MAGI2: variants seen among roughly 807,000 people sequenced by gnomAD.
MAGI2 encodes membrane associated guanylate kinase, WW and PDZ domain containing 2.
In MAGI2, 35 loss-of-function variants were observed where a neutral mutation model predicts 133.3. The ratio of observed to expected loss-of-function variants is 0.26; its 90% CI spans 0.20 to 0.35. MAGI2 has a LOEUF of 0.35. MAGI2 is among the 10% of genes least tolerant of loss of function. The probability of loss-of-function intolerance (pLI) is 1.00; values close to 1 mark genes in which losing one functional copy is unlikely to be tolerated. For synonymous variants in MAGI2, 729 were observed against 710.6 expected, an observed-to-expected ratio of 1.03 and a Z score of -0.41; for missense variants, 1,636 against 1,863.4, an observed-to-expected ratio of 0.88 and a Z score of 2.25.
At chr7:79,217,048 T>C (rs2129553196) in intron 1 of MAGI2, among the ~76,000 whole-genome samples, 1 of 152,212 alleles carries the variant, frequency 6.6e-6, no homozygotes, top group South Asian at 2.1e-4. Context: ...AAGTTGTTCT[T>C]TTCAAAATAT....
intron 1 of MAGI2, among the ~76,000 whole-genome samples, chr7:79,161,652 G>A (rs1436347219): frequency 6.6e-6 from 1 of 152,060 alleles, no homozygotes; most frequent in East Asian, 1.9e-4. Context: ...TGTTTGGTTT[G>A]CAAATGGTAT....
intron 20 of MAGI2, among the ~76,000 whole-genome samples, chr7:78,114,685 G>A (rs1041411719): frequency 2.6e-5 from 4 of 152,140 alleles, no homozygotes; most frequent in African/African-American, 4.8e-5. Flanking sequence ...TCTGTGCCCG[G>A]GACCCAGGAG....
intron 2 of MAGI2, among the ~76,000 whole-genome samples, chr7:78,804,447 TA>T (rs1200651481): frequency 0.017 from 2,354 of 134,620 alleles, 52 homozygotes; most frequent in Admixed American, 0.063. Context: ...TAAACTAAAC[TA>T]AAAAAAAAAA....
chr7:78,713,850 AC>A (rs1456072464), intron 2 of MAGI2, among the ~76,000 whole-genome samples: 1 of 152,134 alleles, frequency 6.6e-6, no homozygotes, highest in African/African-American at 2.4e-5. Context: ...TGATTTTCTA[AC>A]TTTTGTTTTT....
chr7:78,320,148 G>T (rs1475676791), intron 9 of MAGI2, among the ~76,000 whole-genome samples: 1 of 152,058 alleles, frequency 6.6e-6, no homozygotes, highest in Admixed American at 6.6e-5. Flanking sequence ...CAACCAAAAA[G>T]AGTCCAGGAC....
chr7:78,932,659 A>G (rs185956817), intron 2 of MAGI2, among the ~76,000 whole-genome samples: 122 of 152,240 alleles, frequency 8.0e-4, no homozygotes, highest in African/African-American at 2.7e-3. Flanking sequence ...TGAAAATTGA[A>G]GGAAACTATG....
At chr7:79,345,962 A>C (rs1446662490) in intron 1 of MAGI2, among the ~76,000 whole-genome samples, 2 of 152,098 alleles carry the variant, frequency 1.3e-5, no homozygotes. Flanking sequence ...ATGATCTGGC[A>C]ATAACTTCCA....
chr7:79,020,466 G>C (rs991699318), intron 1 of MAGI2, among the ~76,000 whole-genome samples: 3 of 152,084 alleles, frequency 2.0e-5, no homozygotes, highest in Non-Finnish European at 4.4e-5. Flanking sequence ...TGCAGAAATT[G>C]CATAAGAAAT....
chr7:78,317,647 A>G (rs1308782842), intron 9 of MAGI2, among the ~76,000 whole-genome samples: 1 of 152,222 alleles, frequency 6.6e-6, no homozygotes, highest in African/African-American at 2.4e-5. Context: ...GATAAGGGAC[A>G]GACTGCCTCC....
chr7:79,219,299 T>A (rs1269114535), intron 1 of MAGI2, among the ~76,000 whole-genome samples: 1 of 152,010 alleles, frequency 6.6e-6, no homozygotes, highest in African/African-American at 2.4e-5. Context: ...AAAGGTAGAT[T>A]TTTTTTCCTT....
At chr7:78,099,344 T>C (rs1817997462) in intron 20 of MAGI2, among the ~76,000 whole-genome samples, 1 of 152,226 alleles carries the variant, frequency 6.6e-6, no homozygotes, top group Admixed American at 6.5e-5. Context: ...GAGTTATAAA[T>C]GATTAACTTT....
intron 3 of MAGI2, among the ~76,000 whole-genome samples, chr7:78,549,888 G>GTTA (rs1799188076): frequency 6.6e-6 from 1 of 152,134 alleles, no homozygotes; most frequent in Non-Finnish European, 1.5e-5. Context: ...GGCTTACCTA[G>GTTA]AGTTTCACCC....
intron 21 of MAGI2, among the ~76,000 whole-genome samples, chr7:78,056,437 G>A (rs967281843): frequency 1.3e-5 from 2 of 152,244 alleles, no homozygotes; most frequent in Middle Eastern, 3.4e-3. Context: ...ATCAATGATA[G>A]ACTGGATAAA....
intron 3 of MAGI2, chr7:78,616,646 G>A (rs1010478361): frequency 2.0e-5 from 3 of 152,130 alleles, no homozygotes; most frequent in African/African-American, 7.2e-5. Flanking sequence ...TGAGAATTAA[G>A]ATAAAGACAA....
intron 12 of MAGI2, among the ~76,000 whole-genome samples, chr7:78,186,014 T>C (rs1827661919): frequency 6.6e-6 from 1 of 152,156 alleles, no homozygotes; most frequent in African/African-American, 2.4e-5. Flanking sequence ...CTGAAAGGTA[T>C]ACAGAAAATA....
intron 3 of MAGI2, among the ~76,000 whole-genome samples, chr7:78,559,313 T>C (rs1033351729): frequency 6.6e-6 from 1 of 151,296 alleles, no homozygotes; most frequent in Non-Finnish European, 1.5e-5. Context: ...CTTGGTTGAC[T>C]TGTGTATTAA....
At chr7:78,108,709 AGTGTATATATGTGT>A (rs1316021708) in intron 20 of MAGI2, among the ~76,000 whole-genome samples, 1 of 114,936 alleles carries the variant, frequency 8.7e-6, no homozygotes, top group Non-Finnish European at 2.1e-5. Context: ...CACATATGTG[AGTGTATATATGTGT>A]GTGTATACAC....
intron 6 of MAGI2, among the ~76,000 whole-genome samples, chr7:78,462,217 T>C (rs900566733): frequency 6.6e-6 from 1 of 152,154 alleles, no homozygotes; most frequent in Admixed American, 6.5e-5. Context: ...CATATCCCAC[T>C]ACTCATTTTT....
At chr7:79,132,443 C>T (rs1821018567) in intron 1 of MAGI2, among the ~76,000 whole-genome samples, 2 of 152,020 alleles carry the variant, frequency 1.3e-5, no homozygotes. Flanking sequence ...GCCTCCAGAT[C>T]CATCCAAGAT....
Sources: allele counts gnomAD v4.1 joint callset (sites outside exome capture counted in the v4.1 genomes callset), GRCh38; gene constraint gnomAD v4.1.1; transcripts MANE v1.5; gene names NCBI Gene and HGNC (gene_info 2026-07-23, HGNC 2026-07-21).